Variants in PTPRD observed in about 807,000 individuals in gnomAD.
The protein encoded by PTPRD is receptor-type tyrosine-protein phosphatase delta.
PTPRD carries 34 observed loss-of-function variants against 214.5 expected under a neutral mutation model. That is an observed-to-expected ratio of 0.16 (90% CI 0.12 to 0.21). The LOEUF is 0.21. PTPRD is among the 10% of genes least tolerant of loss of function. PTPRD has a pLI of 1.00. For missense variants in PTPRD, 2,545 were observed against 2,398.7 expected, an observed-to-expected ratio of 1.06 and a Z score of -1.27; for synonymous variants, 1,128 against 845.7, an observed-to-expected ratio of 1.33 and a Z score of -5.79.
At chr9:8,541,160 A>G (rs1374077383) in intron 14 of PTPRD, among the ~76,000 whole-genome samples, 1 of 152,214 alleles carries the variant, frequency 6.6e-6, no homozygotes, top group Non-Finnish European at 1.5e-5. Context: ...ATAAATGCAA[A>G]TAGTTTTCTA....
At chr9:8,454,756 T>C (rs992979812) in intron 33 of PTPRD, among the ~76,000 whole-genome samples, 5 of 152,180 alleles carry the variant, frequency 3.3e-5, no homozygotes, top group Non-Finnish European at 5.9e-5. Flanking sequence ...AAAATATTTA[T>C]AGACCTCTGA....
intron 9 of PTPRD, among the ~76,000 whole-genome samples, chr9:9,253,559 A>C (rs1296623389): frequency 6.6e-6 from 1 of 152,098 alleles, no homozygotes; most frequent in Non-Finnish European, 1.5e-5. Flanking sequence ...TTATCTAAAC[A>C]CCTCAAATTG....
chr9:9,538,136 C>T (rs561691503), intron 8 of PTPRD, among the ~76,000 whole-genome samples: 3 of 151,914 alleles, frequency 2.0e-5, no homozygotes, highest in African/African-American at 7.2e-5. Context: ...CAAAGTATTT[C>T]CTCATATTTC....
chr9:9,439,254 C>A (rs996271040), intron 8 of PTPRD, among the ~76,000 whole-genome samples: 28 of 151,974 alleles, frequency 1.8e-4, no homozygotes, highest in African/African-American at 6.5e-4. Flanking sequence ...TACTCTCCCA[C>A]AAATATAATC....
chr9:9,721,532 T>C (rs59395549), intron 7 of PTPRD, among the ~76,000 whole-genome samples: 2,265 of 152,282 alleles, frequency 0.015, 56 homozygotes, highest in African/African-American at 0.051. Flanking sequence ...GATTTTTTAC[T>C]TTAATTCCTT....
intron 9 of PTPRD, among the ~76,000 whole-genome samples, chr9:9,222,604 C>G (rs1429908026): frequency 4.6e-5 from 7 of 152,092 alleles, no homozygotes; most frequent in Admixed American, 4.6e-4. Flanking sequence ...CATATATTTT[C>G]TTAATATTCT....
At chr9:10,480,270 C>A (rs987996657) in intron 2 of PTPRD, among the ~76,000 whole-genome samples, 2 of 152,156 alleles carry the variant, frequency 1.3e-5, no homozygotes, top group African/African-American at 4.8e-5. Context: ...TCAAACATGA[C>A]TTTGAGGGTC....
At chr9:8,551,254 T>G (rs2082027765) in intron 14 of PTPRD, among the ~76,000 whole-genome samples, 1 of 152,182 alleles carries the variant, frequency 6.6e-6, no homozygotes, top group African/African-American at 2.4e-5. Context: ...GTAATTAAAT[T>G]TTTTTTCAAT....
intron 9 of PTPRD, among the ~76,000 whole-genome samples, chr9:9,209,546 G>T (rs563798666): frequency 6.6e-6 from 1 of 152,254 alleles, no homozygotes; most frequent in East Asian, 1.9e-4. Context: ...TTAAATCTTA[G>T]AGATATCTAC....
At chr9:8,911,421 G>GT (rs2098747461) in intron 11 of PTPRD, among the ~76,000 whole-genome samples, 3 of 145,802 alleles carry the variant, frequency 2.1e-5, no homozygotes, top group African/African-American at 8.3e-5. Flanking sequence ...TGTGTTGTGT[G>GT]TGTGTGTGTG....
At chr9:10,403,646 A>C (rs1206014779) in intron 2 of PTPRD, among the ~76,000 whole-genome samples, 1 of 151,658 alleles carries the variant, frequency 6.6e-6, no homozygotes, top group Non-Finnish European at 1.5e-5. Flanking sequence ...GTACATACAG[A>C]CCATGAAATA....
intron 11 of PTPRD, among the ~76,000 whole-genome samples, chr9:8,887,641 G>A (rs1479371646): frequency 6.6e-6 from 1 of 152,106 alleles, no homozygotes; most frequent in Non-Finnish European, 1.5e-5. Context: ...AGCTCTTGAA[G>A]TTTTGTTTCT....
chr9:8,688,976 T>C (rs1381252486), intron 12 of PTPRD, among the ~76,000 whole-genome samples: 5 of 152,306 alleles, frequency 3.3e-5, no homozygotes, highest in African/African-American at 9.6e-5. Context: ...CTAAATTTTA[T>C]AAATCAGGGC....
intron 6 of PTPRD, among the ~76,000 whole-genome samples, chr9:9,738,135 G>A (rs1243343067): frequency 6.6e-6 from 1 of 152,132 alleles, no homozygotes; most frequent in African/African-American, 2.4e-5. Context: ...ATAGCATTAG[G>A]AGATATACCT....
At position 8,473,641 on chromosome 9, in the gene PTPRD, A is replaced by AT. The variant is rs746158011; in HGVS notation, c.3414-2557dup. Among the ~76,000 whole-genome samples the AT allele has an allele frequency of 4.6e-5, 7 of 151,994 alleles. No individual in the cohort carries two copies. The East Asian group carries it at 1.4e-3, about 29-fold the overall frequency. On this transcript the variant is annotated intron_variant, in intron 30 of 45. Transcript: ENST00000381196. Reference sequence around the variant, plus strand: ...AAGGTTAAGCTGATGAGTTTCATTAATTTTTTCTTCTGCTTTCATACTTTG... The same window carrying AT: ...AAGGTTAAGCTGATGAGTTTCATTAATTTTTTTCTTCTGCTTTCATACTTTG...
intron 8 of PTPRD, among the ~76,000 whole-genome samples, chr9:9,413,100 CTTTTTTTTTTTTT>C (rs5896325): frequency 1.6e-5 from 1 of 63,020 alleles, no homozygotes; most frequent in African/African-American, 6.8e-5. Context: ...CTTGCAGCTT[CTTTTTTTTTTTTT>C]TTTTTTTTTT....
chr9:8,317,746 T>C lies in PTPRD; in HGVS notation c.*128A>G. 1 of 737,196 alleles carries C rather than the reference T, an allele frequency of 1.4e-6. No homozygotes were observed. The highest frequency in any genetic ancestry group is 2.4e-6 in the Non-Finnish European group (1 of 424,600). The allele number at this position is 737,196 out of a possible 1,614,324, so 45.7% of individuals were successfully genotyped here. On this transcript the variant is annotated 3_prime_UTR_variant, in exon 46 of 46. Coordinates refer to ENST00000381196, the MANE Select transcript of PTPRD (RefSeq NM_002839.4). ...ATTTGTTTTTAATTTGTTTTGTGTG[T>C]AATAGTCCCACTAAGTAGTTGTTAG... is the stretch of plus-strand genomic sequence containing the variant.
chr9:9,478,289 A>C (rs2095212893), intron 8 of PTPRD, among the ~76,000 whole-genome samples: 1 of 152,220 alleles, frequency 6.6e-6, no homozygotes, highest in Non-Finnish European at 1.5e-5. Context: ...CAGGCAAGTA[A>C]GGAAAGAAGT....
chr9:9,982,504 G>A (rs1439392111), intron 4 of PTPRD, among the ~76,000 whole-genome samples: 1 of 145,888 alleles, frequency 6.9e-6, no homozygotes, highest in Non-Finnish European at 1.5e-5. Context: ...GTGTGTGTGT[G>A]TGTGTGTGTG....
Sources: gnomAD v4.1 joint callset for allele counts (sites outside exome capture counted in the v4.1 genomes callset) on GRCh38, gnomAD v4.1.1 for gene constraint, MANE v1.5 for transcripts, NCBI Gene and HGNC (gene_info 2026-07-23, HGNC 2026-07-21) for gene names.